The following DNAJC1 variants were observed in gnomAD, a reference collection of about 807,000 sequenced individuals.
DNAJC1 encodes DnaJ heat shock protein family (Hsp40) member C1.
DNAJC1 carries 58 observed loss-of-function variants against 76.6 expected under a neutral mutation model. The ratio of observed to expected loss-of-function variants is 0.76; its 90% CI spans 0.61 to 0.94. The LOEUF is 0.94. Among genes scored for constraint, DNAJC1 ranks in the 40% least tolerant of loss-of-function variants. The pLI is 0.00. For missense variants in DNAJC1, 689 were observed against 677.3 expected, an observed-to-expected ratio of 1.02 and a Z score of -0.19; for synonymous variants, 258 against 267.9, an observed-to-expected ratio of 0.96 and a Z score of 0.36.
intron 8 of DNAJC1, among the ~76,000 whole-genome samples, chr10:21,868,980 G>C (rs932339854): frequency 1.3e-5 from 2 of 151,982 alleles, no homozygotes; most frequent in Admixed American, 1.3e-4. Context: ...GAAAGGAACA[G>C]GGCTTAAAGG....
At chr10:21,822,862 T>C (rs979431878) in intron 8 of DNAJC1, among the ~76,000 whole-genome samples, 11 of 151,750 alleles carry the variant, frequency 7.2e-5, no homozygotes, top group African/African-American at 2.7e-4. Context: ...ATTTTTATCC[T>C]GGAAAATAAT....
chr10:21,781,240 C>T (rs761046618), intron 9 of DNAJC1, among the ~76,000 whole-genome samples: 11 of 152,122 alleles, frequency 7.2e-5, no homozygotes, highest in African/African-American at 2.2e-4. Flanking sequence ...TTGCACCAAG[C>T]GGACCTAATA....
intron 8 of DNAJC1, among the ~76,000 whole-genome samples, chr10:21,835,072 C>A (rs1026050391): frequency 6.6e-6 from 1 of 152,246 alleles, no homozygotes; most frequent in Middle Eastern, 3.4e-3. Flanking sequence ...CTGGGAGGCA[C>A]CCCCCAGTAG....
At chr10:21,775,773 G>A (rs147750410) in intron 9 of DNAJC1, among the ~76,000 whole-genome samples, 11 of 152,086 alleles carry the variant, frequency 7.2e-5, no homozygotes, top group Non-Finnish European at 5.9e-5. Flanking sequence ...TTGTAGCCTC[G>A]TCTTGGGAGA....
intron 1 of DNAJC1, among the ~76,000 whole-genome samples, chr10:21,954,005 C>T (rs1837640796): frequency 6.6e-6 from 1 of 151,804 alleles, no homozygotes; most frequent in African/African-American, 2.4e-5. Flanking sequence ...GCACTGTACA[C>T]TGTCTCTCAA....
At chr10:21,766,173 C>G (rs1399267181) in intron 10 of DNAJC1, 88 bp downstream of exon 10, 3 of 1,043,592 alleles carry the variant, frequency 2.9e-6, no homozygotes, top group Middle Eastern at 4.1e-4. Context: ...AACTTCTAGA[C>G]CCTTGTATTT....
intron 9 of DNAJC1, among the ~76,000 whole-genome samples, chr10:21,789,365 G>A (rs1834653209): frequency 6.6e-6 from 1 of 152,166 alleles, no homozygotes; most frequent in Non-Finnish European, 1.5e-5. Flanking sequence ...AGACCCAACT[G>A]CAGGTGAAAG....
chr10:21,821,455 A>G (rs1268776205), intron 8 of DNAJC1, among the ~76,000 whole-genome samples: 1 of 152,214 alleles, frequency 6.6e-6, no homozygotes, highest in Non-Finnish European at 1.5e-5. Context: ...TCTTGCTTAT[A>G]TATTCTCAAT....
At chr10:21,803,583 G>C (rs1834838779) in intron 9 of DNAJC1, among the ~76,000 whole-genome samples, 1 of 144,646 alleles carries the variant, frequency 6.9e-6, no homozygotes, top group Non-Finnish European at 1.5e-5. Flanking sequence ...TTTACAGAGT[G>C]ATTTTCTGTG....
intron 8 of DNAJC1, among the ~76,000 whole-genome samples, chr10:21,876,507 A>G (rs1418316455): frequency 1.3e-5 from 2 of 152,258 alleles, no homozygotes; most frequent in East Asian, 3.8e-4. Context: ...TGATCCATAT[A>G]TAATTGTTAT....
chr10:21,841,217 C>T (rs188346639), intron 8 of DNAJC1, among the ~76,000 whole-genome samples: 2 of 152,218 alleles, frequency 1.3e-5, no homozygotes, highest in African/African-American at 2.4e-5. Context: ...TCTAAAACAA[C>T]CAAAAGCAAT....
chr10:21,882,564 T>C (rs565632334), intron 7 of DNAJC1, 125 bp from the exon 8 acceptor site: 9 of 663,106 alleles, frequency 1.4e-5, no homozygotes, highest in African/African-American at 1.9e-5. Flanking sequence ...TTATAAATAA[T>C]TGGCTATAAC....
In DNAJC1 at chr10:21,813,198, CTCTCTCTCTCTCTCTCTCTCTCTATA is replaced by C. The variant is rs1835008619; in HGVS notation, c.979-7125_979-7100del. Among the ~76,000 whole-genome samples the C allele has an allele frequency of 7.4e-5, 6 of 81,044 alleles. No homozygotes were observed. In the East Asian group the frequency reaches 1.4e-3, roughly 19 times the overall value. 53.2% of individuals were successfully genotyped at this position (81,044 alleles called of 152,430 possible). A position where few individuals can be genotyped will look rare whatever the true frequency, so the allele number is the denominator to read the frequency against. ...TCCCTCTCTCTCTCTCTCTCTCTCT[CTCTCTCTCTCTCTCTCTCTCTCTATA>C]TATATATATATATATATATACACAT... On this transcript the variant is annotated intron_variant, in intron 8 of 11. Coordinates refer to ENST00000376980, the MANE Select transcript of DNAJC1 (RefSeq NM_022365.4).
intron 1 of DNAJC1, among the ~76,000 whole-genome samples, chr10:21,975,058 C>T (rs1451069045): frequency 6.6e-6 from 1 of 151,844 alleles, no homozygotes; most frequent in Non-Finnish European, 1.5e-5. Context: ...AATATATTAA[C>T]TCACAGTGGA....
chr10:21,954,386 C>T (rs1260891146), intron 1 of DNAJC1, among the ~76,000 whole-genome samples: 1 of 152,134 alleles, frequency 6.6e-6, no homozygotes, highest in African/African-American at 2.4e-5. Flanking sequence ...GCATCTAACA[C>T]TATGTTGCAG....
At position 21,904,596 on chromosome 10, in the gene DNAJC1, TA is replaced by T; in HGVS notation, c.745del (p.Tyr249MetfsTer9). ...PHLIQDAGQF[Y>X]AKYKETRLKE... The stretch of plus-strand genomic sequence containing the variant: ...CAATCTTGTTTCTTTATATTTAGCA[TA>T]AAACTGCCCAGCATCCTTAAGAAAA... On this transcript the variant is annotated frameshift_variant, in exon 7 of 12. Transcript: ENST00000376980. LOFTEE classifies it high-confidence loss of function. The T allele has an allele frequency of 1.2e-6, 2 of 1,604,582 alleles. No individual in the cohort carries two copies. Among genetic ancestry groups the T allele is most frequent in the Non-Finnish European group, 1.7e-6 (2 of 1,175,354 alleles).
At chr10:21,820,461 T>C (rs1589995216) in intron 8 of DNAJC1, among the ~76,000 whole-genome samples, 1 of 152,224 alleles carries the variant, frequency 6.6e-6, no homozygotes, top group Non-Finnish European at 1.5e-5. Flanking sequence ...AACTGTGTTT[T>C]TCCTCCACTT....
intron 7 of DNAJC1, among the ~76,000 whole-genome samples, chr10:21,898,159 C>T (rs1289598379): frequency 6.6e-6 from 1 of 152,156 alleles, no homozygotes; most frequent in Non-Finnish European, 1.5e-5. Flanking sequence ...TAACAAAACA[C>T]ACACAGGATT....
rs945041416 is a variant in DNAJC1, at chr10:21,856,996, A to C, written c.978+25286T>G. 5.9e-5 allele frequency among the ~76,000 whole-genome samples: 9 copies of C among 152,180 alleles called. No individual in the cohort carries two copies. In the South Asian group the frequency reaches 6.2e-4, roughly 10 times the overall value. On this transcript the variant is annotated intron_variant, in intron 8 of 11. Coordinates refer to ENST00000376980, the MANE Select transcript of DNAJC1 (RefSeq NM_022365.4). ...GGTGATCCACCCACCTTGGCCTCCC[A>C]AAGTGCTAGGATTACAGGCACATGC...
Sources: allele counts gnomAD v4.1 joint callset (sites outside exome capture counted in the v4.1 genomes callset), GRCh38; gene constraint gnomAD v4.1.1; transcripts MANE v1.5; gene names NCBI Gene and HGNC (gene_info 2026-07-23, HGNC 2026-07-21).